COLEC12: variants seen among roughly 807,000 people sequenced by gnomAD.
COLEC12 encodes the protein collectin-12.
COLEC12 carries 33 observed loss-of-function variants against 71.1 expected under a neutral mutation model. That is an observed-to-expected ratio of 0.46 (90% CI 0.35 to 0.62). The LOEUF (loss-of-function observed/expected upper bound fraction) is 0.62. Among genes scored for constraint, COLEC12 ranks in the 20% least tolerant of loss-of-function variants. The probability of loss-of-function intolerance (pLI) is 0.00; values close to 1 mark genes in which losing one functional copy is unlikely to be tolerated. For synonymous variants in COLEC12, 350 were observed against 353.0 expected (o/e 0.99, Z 0.10); for missense variants, 765 against 916.1 (o/e 0.84, Z 2.13).
chr18:497,373 T>C lies in COLEC12; in HGVS notation c.7+3135A>G, dbSNP rs947927520. 3.4e-5 allele frequency among the ~76,000 whole-genome samples: 5 copies of C among 145,870 alleles called. No homozygotes were observed. The East Asian group carries it at 1.0e-3, about 29-fold the overall frequency. ...GGTGTCCACTGATTTTCAATTTGGCTAAAGAATGGGGTGTGTGTGTGTGTG... is the reference window on the plus strand; with the variant it reads ...GGTGTCCACTGATTTTCAATTTGGCCAAAGAATGGGGTGTGTGTGTGTGTG... On this transcript the variant is annotated intron_variant, in intron 1 of 9. Coordinates refer to ENST00000400256, the MANE Select transcript of COLEC12 (RefSeq NM_130386.3).
chr18:335,174 G>C lies in COLEC12; in HGVS notation c.1384C>G (p.Pro462Ala), dbSNP rs1411708438. 6.2e-7 allele frequency: 1 copy of C among 1,611,988 alleles called. No homozygotes were observed. The stretch of plus-strand genomic sequence containing the variant: ...CCTTTCTGTCCCTTGTTGCCAGTTG[G>C]GCCAGGGGGTCCCTGGGATCCTCTG... ...GDRGSQGPPG[P>A]TGNKGQKGEK... is the part of the protein sequence containing the mutation. Residue 462 changes from proline (P) to alanine (A), a missense_variant, in exon 6 of 10, where the codon CCA (proline) becomes GCA (alanine). Pro to Ala is a conservative substitution (Grantham distance 27, BLOSUM62 -1). Coordinates refer to ENST00000400256, the MANE Select transcript of COLEC12 (RefSeq NM_130386.3).
intron 3 of COLEC12, among the ~76,000 whole-genome samples, chr18:351,319 TC>T (rs1731568715): frequency 6.6e-6 from 1 of 151,920 alleles, no homozygotes; most frequent in African/African-American, 2.4e-5. Context: ...CTGAGCTAAG[TC>T]CTATTTGCTC....
At chr18:369,394 T>TTTTTA (rs1914945523) in intron 2 of COLEC12, among the ~76,000 whole-genome samples, 1 of 143,002 alleles carries the variant, frequency 7.0e-6, no homozygotes, top group Non-Finnish European at 1.5e-5. Flanking sequence ...TCTTTTTTTT[T>TTTTTA]TTATTTTTTT....
intron 2 of COLEC12, among the ~76,000 whole-genome samples, chr18:430,419 C>A (rs1567905765): frequency 6.6e-6 from 1 of 151,926 alleles, no homozygotes. Flanking sequence ...ATATTAATTA[C>A]CTCTATTTTG....
intron 5 of COLEC12, among the ~76,000 whole-genome samples, chr18:343,714 G>A (rs1357929435): frequency 3.9e-5 from 6 of 152,166 alleles, no homozygotes; most frequent in African/African-American, 1.2e-4. Context: ...TTTGGCACCA[G>A]ACGGCCTGGG....
At chr18:420,604 A>G (rs1323491583) in intron 2 of COLEC12, among the ~76,000 whole-genome samples, 1 of 152,202 alleles carries the variant, frequency 6.6e-6, no homozygotes, top group Non-Finnish European at 1.5e-5. Context: ...GCCTGACTGG[A>G]CAGTAACTTA....
At chr18:361,906 T>A (rs1399539981) in intron 2 of COLEC12, among the ~76,000 whole-genome samples, 1 of 152,218 alleles carries the variant, frequency 6.6e-6, no homozygotes, top group Non-Finnish European at 1.5e-5. Flanking sequence ...CAGGATGATT[T>A]CTTACATTCC....
intron 2 of COLEC12, among the ~76,000 whole-genome samples, chr18:392,286 G>T (rs985641280): frequency 1.3e-5 from 2 of 152,070 alleles, no homozygotes; most frequent in Admixed American, 6.5e-5. Flanking sequence ...TGGATAACTC[G>T]CCTGAACCTT....
At position 405,771 on chromosome 18, in the gene COLEC12, T is replaced by C. The variant is rs117689871; in HGVS notation, c.59-48249A>G. Reference sequence around the variant, plus strand: ...TCTCTCTCTCACCCCATCCCAACATTTTCTCTTCTGGTCATACCCATGGGG... The same window carrying C: ...TCTCTCTCTCACCCCATCCCAACATCTTCTCTTCTGGTCATACCCATGGGG... On this transcript the variant is annotated intron_variant, in intron 2 of 9. Coordinates refer to ENST00000400256, the MANE Select transcript of COLEC12 (RefSeq NM_130386.3). Among the ~76,000 whole-genome samples, 450 of 152,144 alleles carry C rather than the reference T, an allele frequency of 3.0e-3. 1 individual carries two copies. Among genetic ancestry groups the C allele is most frequent in the Non-Finnish European group, 4.4e-3 (299 of 67,996 alleles).
chr18:387,005 G>A (rs79414613), intron 2 of COLEC12, among the ~76,000 whole-genome samples: 28,076 of 152,090 alleles, frequency 0.18, 2,860 homozygotes, highest in Middle Eastern at 0.29. Flanking sequence ...AAGGTAGGGT[G>A]CCCACATTGC....
At chr18:492,815 A>G (rs1013852901) in intron 1 of COLEC12, among the ~76,000 whole-genome samples, 1 of 152,210 alleles carries the variant, frequency 6.6e-6, no homozygotes, top group East Asian at 1.9e-4. Context: ...ATAATTATTT[A>G]CAAATGTTGG....
chr18:458,383 G>A (rs7244572), intron 2 of COLEC12, among the ~76,000 whole-genome samples: 66,792 of 152,118 alleles, frequency 0.44, 15,498 homozygotes, highest in East Asian at 0.82. Context: ...CAGAGCAACT[G>A]TCTTTTCCCC....
chr18:479,860 C>G (rs1171284057), intron 2 of COLEC12, among the ~76,000 whole-genome samples: 1 of 152,212 alleles, frequency 6.6e-6, no homozygotes, highest in East Asian at 1.9e-4. Context: ...TCTTACAGTT[C>G]TGGGGGCCAG....
At chr18:372,291 G>C (rs1257448749) in intron 2 of COLEC12, among the ~76,000 whole-genome samples, 1 of 152,174 alleles carries the variant, frequency 6.6e-6, no homozygotes, top group African/African-American at 2.4e-5. Flanking sequence ...ATTAAATCAA[G>C]CACCAGAGTC....
chr18:386,768 G>A (rs1347504550), intron 2 of COLEC12, among the ~76,000 whole-genome samples: 1 of 152,186 alleles, frequency 6.6e-6, no homozygotes, highest in African/African-American at 2.4e-5. Flanking sequence ...CGGAAACTAA[G>A]TTGCTTATAC....
chr18:431,271 G>T (rs1483845995), intron 2 of COLEC12, among the ~76,000 whole-genome samples: 1 of 151,950 alleles, frequency 6.6e-6, no homozygotes, highest in Admixed American at 6.6e-5. Flanking sequence ...CTAAAGTGCT[G>T]GGATTACAAG....
At chr18:417,645 G>C (rs537562484) in intron 2 of COLEC12, among the ~76,000 whole-genome samples, 3 of 152,324 alleles carry the variant, frequency 2.0e-5, no homozygotes, top group African/African-American at 7.2e-5. Context: ...AGTGGACACA[G>C]TAGAGGTGCT....
intron 4 of COLEC12, 79 bp from the exon 5 acceptor site, chr18:347,420 T>G (rs1338175774): frequency 8.5e-7 from 1 of 1,179,818 alleles, no homozygotes; most frequent in Non-Finnish European, 1.2e-6. Flanking sequence ...CGAACACACT[T>G]AATCGGTATG....
intron 2 of COLEC12, among the ~76,000 whole-genome samples, chr18:369,024 A>G (rs1300237398): frequency 6.6e-6 from 1 of 152,194 alleles, no homozygotes; most frequent in Admixed American, 6.5e-5. Flanking sequence ...GTGACTTTAT[A>G]TTGGTAGCAT....
Sources: allele counts gnomAD v4.1 joint callset (sites outside exome capture counted in the v4.1 genomes callset), GRCh38; gene constraint gnomAD v4.1.1; transcripts MANE v1.5; gene names NCBI Gene and HGNC (gene_info 2026-07-23, HGNC 2026-07-21).